Variants in MBD5 observed in about 807,000 individuals in gnomAD.
The protein encoded by MBD5 is methyl-CpG-binding domain protein 5.
A neutral mutation model predicts 117.3 loss-of-function variants in MBD5; 13 were observed. That is an observed-to-expected ratio of 0.11 (90% CI 0.07 to 0.18). The LOEUF (loss-of-function observed/expected upper bound fraction) is 0.18. Among genes scored for constraint, MBD5 ranks in the 10% least tolerant of loss-of-function variants. MBD5 has a pLI of 1.00. For synonymous variants in MBD5, 727 were observed against 766.4 expected, an observed-to-expected ratio of 0.95 and a Z score of 0.85; for missense variants, 1,879 against 2,093.8, an observed-to-expected ratio of 0.90 and a Z score of 2.00.
intron 12 of MBD5, among the ~76,000 whole-genome samples, chr2:148,503,823 G>A (rs1681944461): frequency 6.6e-6 from 1 of 152,094 alleles, no homozygotes; most frequent in Admixed American, 6.5e-5. Flanking sequence ...TACAAGGTCT[G>A]GATAAAAGAA....
At chr2:148,324,845 G>T (rs1482468556) in intron 3 of MBD5, among the ~76,000 whole-genome samples, 1 of 151,876 alleles carries the variant, frequency 6.6e-6, no homozygotes, top group Non-Finnish European at 1.5e-5. Context: ...CTGCCTAATT[G>T]CCCTGGCCAG....
chr2:148,317,661 C>T (rs1212493138), intron 3 of MBD5, among the ~76,000 whole-genome samples: 1 of 151,300 alleles, frequency 6.6e-6, no homozygotes, highest in African/African-American at 2.4e-5. Context: ...CTCTGTATGT[C>T]CAAGTGTTTC....
intron 4 of MBD5, among the ~76,000 whole-genome samples, chr2:148,369,861 T>C (rs1269091349): frequency 6.6e-6 from 1 of 152,146 alleles, no homozygotes; most frequent in Non-Finnish European, 1.5e-5. Flanking sequence ...TTCAGGATAT[T>C]AATATTTTAA....
At chr2:148,363,665 C>A (rs538740007) in intron 4 of MBD5, among the ~76,000 whole-genome samples, 1 of 152,126 alleles carries the variant, frequency 6.6e-6, no homozygotes, top group African/African-American at 2.4e-5. Context: ...CCTGATGGAG[C>A]TGAAAAATAC....
At chr2:148,052,770 G>C (rs987274004) in intron 1 of MBD5, among the ~76,000 whole-genome samples, 3 of 151,796 alleles carry the variant, frequency 2.0e-5, no homozygotes, top group Non-Finnish European at 4.4e-5. Flanking sequence ...CACTTTGTTT[G>C]GTTTCAAACT....
chr2:148,071,764 G>A (rs544556917), intron 1 of MBD5: 3 of 152,106 alleles, frequency 2.0e-5, no homozygotes, highest in Non-Finnish European at 4.4e-5. Flanking sequence ...AAAGCCCATT[G>A]CTTTTGTCCT....
chr2:148,135,404 C>A (rs1045191980), intron 1 of MBD5, among the ~76,000 whole-genome samples: 2 of 151,996 alleles, frequency 1.3e-5, no homozygotes. Flanking sequence ...ATGTTAAAAG[C>A]CAGTTATTGT....
At chr2:148,322,498 C>A (rs1159219625) in intron 3 of MBD5, among the ~76,000 whole-genome samples, 1 of 152,078 alleles carries the variant, frequency 6.6e-6, no homozygotes, top group Admixed American at 6.6e-5. Context: ...TCTTAATCTG[C>A]AGTTTAATCT....
chr2:148,322,075 G>C (rs1559021652), intron 3 of MBD5, among the ~76,000 whole-genome samples: 1 of 152,162 alleles, frequency 6.6e-6, no homozygotes, highest in Non-Finnish European at 1.5e-5. Flanking sequence ...TCCATAATAT[G>C]ACCTCTAGTT....
chr2:148,375,350 A>G (rs1703962393), intron 4 of MBD5, among the ~76,000 whole-genome samples: 1 of 152,214 alleles, frequency 6.6e-6, no homozygotes, highest in Non-Finnish European at 1.5e-5. Context: ...CAGCAAGACA[A>G]GAGCTGGCTT....
At chr2:148,265,164 C>G (rs1180254671) in intron 3 of MBD5, 7 of 151,888 alleles carry the variant, frequency 4.6e-5, no homozygotes. Flanking sequence ...AAATACTTTT[C>G]TTTTTAAATT....
chr2:148,473,916 A>T (rs536025121), intron 8 of MBD5, among the ~76,000 whole-genome samples: 1 of 152,312 alleles, frequency 6.6e-6, no homozygotes, highest in Non-Finnish European at 1.5e-5. Flanking sequence ...CAAATTACAG[A>T]TAAAGTTTAA....
chr2:148,150,854 G>T (rs1048688373), intron 1 of MBD5, among the ~76,000 whole-genome samples: 4 of 152,066 alleles, frequency 2.6e-5, no homozygotes, highest in African/African-American at 4.8e-5. Flanking sequence ...GAGACAATGG[G>T]GTGTTCTAGA....
chr2:148,367,643 C>A (rs1288888371), intron 4 of MBD5, among the ~76,000 whole-genome samples: 1 of 152,084 alleles, frequency 6.6e-6, no homozygotes, highest in Non-Finnish European at 1.5e-5. Flanking sequence ...AAAAAACAAA[C>A]AACCCCATCA....
chr2:148,236,271 A>G (rs1472943258), intron 3 of MBD5, among the ~76,000 whole-genome samples: 1 of 152,224 alleles, frequency 6.6e-6, no homozygotes, highest in Non-Finnish European at 1.5e-5. Context: ...TTTTCAATTT[A>G]CTTTGCCCAG....
intron 4 of MBD5, among the ~76,000 whole-genome samples, chr2:148,423,871 G>A (rs1316715955): frequency 1.3e-5 from 2 of 151,902 alleles, no homozygotes; most frequent in African/African-American, 2.4e-5. Flanking sequence ...CCAAGCAAAT[G>A]GAAAGCAATA....
intron 3 of MBD5, among the ~76,000 whole-genome samples, chr2:148,301,628 G>C (rs1701777189): frequency 6.6e-6 from 1 of 152,188 alleles, no homozygotes; most frequent in South Asian, 2.1e-4. Context: ...CATGTTTCTA[G>C]GGGAATTACG....
chr2:148,459,544 T>G (rs927403899), intron 5 of MBD5, among the ~76,000 whole-genome samples: 2 of 152,190 alleles, frequency 1.3e-5, no homozygotes, highest in Admixed American at 6.5e-5. Flanking sequence ...AGTTCCCTAC[T>G]TCATAGTTTT....
At chr2:148,047,878 G>A (rs1203207259) in intron 1 of MBD5, among the ~76,000 whole-genome samples, 1 of 152,164 alleles carries the variant, frequency 6.6e-6, no homozygotes, top group Non-Finnish European at 1.5e-5. Context: ...GCAAAGACAC[G>A]AGTTACAAAA....
Sources: gnomAD v4.1 joint callset for allele counts (sites outside exome capture counted in the v4.1 genomes callset) on GRCh38, gnomAD v4.1.1 for gene constraint, MANE v1.5 for transcripts, NCBI Gene and HGNC (gene_info 2026-07-23, HGNC 2026-07-21) for gene names.